Variants in ZSCAN9 observed in about 807,000 individuals in gnomAD.
The protein encoded by ZSCAN9 is zinc finger and SCAN domain containing 9.
In ZSCAN9, 19 loss-of-function variants were observed where a neutral mutation model predicts 23.0. The ratio of observed to expected loss-of-function variants is 0.83; its 90% confidence interval spans 0.58 to 1.21. ZSCAN9 has a LOEUF of 1.21. Among genes scored for constraint, ZSCAN9 ranks in the 50% most tolerant of loss-of-function variants. ZSCAN9 has a pLI of 0.00. For missense variants in ZSCAN9, 467 were observed against 471.5 expected (o/e 0.99, Z 0.09); for synonymous variants, 155 against 164.8 (o/e 0.94, Z 0.46).
At chr6:28,226,645 G>C (rs1240756613) in intron 1 of ZSCAN9, among the ~76,000 whole-genome samples, 1 of 152,126 alleles carries the variant, frequency 6.6e-6, no homozygotes, top group Non-Finnish European at 1.5e-5. Flanking sequence ...TAAAACCTAG[G>C]TCTGGGTCAG....
chr6:28,230,093 G>A (rs564737771), intron 3 of ZSCAN9, among the ~76,000 whole-genome samples: 4 of 152,214 alleles, frequency 2.6e-5, no homozygotes, highest in South Asian at 2.1e-4. Context: ...TCCTGACCTC[G>A]TGATTCGCCC....
At chr6:28,228,314 AT>A in intron 3 of ZSCAN9, 1 of 450,358 alleles carries the variant, frequency 2.2e-6, no homozygotes, top group East Asian at 4.3e-5. Flanking sequence ...ATTTTCTCAC[AT>A]TTTCAAAGGC....
At chr6:28,232,052 CTGGGTGCAG>C (rs1310042068) in intron 3 of ZSCAN9, among the ~76,000 whole-genome samples, 17 of 152,196 alleles carry the variant, frequency 1.1e-4, no homozygotes, top group African/African-American at 4.1e-4. Context: ...GTACTGCCAG[CTGGGTGCAG>C]TGGCTCACAC....
At position 28,233,459 on chromosome 6, in the gene ZSCAN9, T is replaced by G. The variant is rs1409098323; in HGVS notation, c.*281T>G. On this transcript the variant is annotated 3_prime_UTR_variant, in exon 4 of 4. Coordinates refer to ENST00000252207, the MANE Select transcript of ZSCAN9 (RefSeq NM_006299.5). The stretch of plus-strand genomic sequence containing the variant: ...TAAACCCTTCTAATAATATAATAAA[T>G]GGCACTGCCACAGCCAACATGCCTG... The G allele has an allele frequency of 9.1e-6, 3 of 328,568 alleles. No individual in the cohort carries two copies. Among genetic ancestry groups the G allele is most frequent in the Non-Finnish European group, 1.6e-5 (3 of 186,278 alleles). 20.4% of individuals were successfully genotyped at this position (328,568 alleles called of 1,614,324 possible).
At chr6:28,230,396 C>G in intron 3 of ZSCAN9, 2 of 1,536,068 alleles carry the variant, frequency 1.3e-6, no homozygotes, top group Non-Finnish European at 1.7e-6. Context: ...CATCTGTTCT[C>G]TACAGACACA....
Position 28,227,274 on chromosome 6 carries a change from C to T in ZSCAN9, c.190C>T (p.Pro64Ser). Residue 64 changes from proline to serine, a missense_variant, in exon 2 of 4, where the codon CCT (proline) becomes TCT (serine). Coordinates refer to ENST00000252207, the MANE Select transcript of ZSCAN9 (RefSeq NM_006299.5). ...TCGACAGCTGTGCTACCAAGAGACC[C>T]CTGGACCAAGGGAGGCTCTTACTCG... ...HFRQLCYQETPGPREALTRLQ... is the reference protein window; with the variant it reads ...HFRQLCYQETSGPREALTRLQ... 6.2e-7 allele frequency: 1 copy of T among 1,614,186 alleles called. No individual in the cohort carries two copies. The highest frequency in any genetic ancestry group is 8.5e-7 in the Non-Finnish European group (1 of 1,180,026).
intron 1 of ZSCAN9, among the ~76,000 whole-genome samples, chr6:28,226,366 T>C (rs1219244473): frequency 6.6e-6 from 1 of 152,174 alleles, no homozygotes; most frequent in African/African-American, 2.4e-5. Context: ...CTGAAGTAAA[T>C]AGTAAAGTAA....
intron 2 of ZSCAN9, 40 bp downstream of exon 2, chr6:28,227,544 G>A (rs776853838): frequency 1.5e-5 from 24 of 1,565,948 alleles, no homozygotes; most frequent in South Asian, 3.6e-5. Context: ...GTGTATTTTG[G>A]CATGCCAAGA....
In ZSCAN9 at chr6:28,227,551, A is replaced by G. The variant is rs763665291; in HGVS notation, c.420+47A>G. 3.1e-5 allele frequency: 49 copies of G among 1,565,732 alleles called. No homozygotes were observed. The Admixed American group carries it at 8.6e-4, about 27-fold the overall frequency. On this transcript the variant is annotated intron_variant, in intron 2 of 3. Transcript: ENST00000252207. ...AGAAAAATGTGTATTTTGGCATGCC[A>G]AGAATCCTTGTCACTTCTGCTTTGT... is the stretch of plus-strand genomic sequence containing the variant.
At chr6:28,230,386 CATCTG>C (rs1405422451) in intron 3 of ZSCAN9, 1 of 1,536,026 alleles carries the variant, frequency 6.5e-7, no homozygotes, top group East Asian at 2.4e-5. Flanking sequence ...ACTTGGGGCC[CATCTG>C]TTCTCTACAG....
At chr6:28,229,510 T>C (rs558116666) in intron 3 of ZSCAN9, among the ~76,000 whole-genome samples, 1 of 152,306 alleles carries the variant, frequency 6.6e-6, no homozygotes, top group East Asian at 1.9e-4. Context: ...AGAGGGCATC[T>C]GGAGACTGGA....
At chr6:28,226,523 G>T (rs1222726160) in intron 1 of ZSCAN9, among the ~76,000 whole-genome samples, 1 of 152,166 alleles carries the variant, frequency 6.6e-6, no homozygotes, top group Admixed American at 6.6e-5. Flanking sequence ...TTTCCTCCAT[G>T]AACTCTGTGA....
intron 3 of ZSCAN9, among the ~76,000 whole-genome samples, chr6:28,229,715 A>G (rs12201260): frequency 0.038 from 5,814 of 152,278 alleles, 291 homozygotes; most frequent in Non-Finnish European, 0.043. Context: ...AAATCCAAAT[A>G]ATACAAAAGT....
intron 3 of ZSCAN9, chr6:28,230,363 C>T (rs1159931039): frequency 6.5e-7 from 1 of 1,535,920 alleles, no homozygotes; most frequent in Admixed American, 2.0e-5. Context: ...AGGAGAAGGG[C>T]AGTACTGATC....
chr6:28,228,368 G>A, intron 3 of ZSCAN9: 1 of 336,818 alleles, frequency 3.0e-6, no homozygotes, highest in East Asian at 7.8e-5. Context: ...GGTTTCTGGT[G>A]AGGCCTCTTC....
chr6:28,225,906 G>C (rs1760102416), intron 1 of ZSCAN9, among the ~76,000 whole-genome samples: 1 of 152,234 alleles, frequency 6.6e-6, no homozygotes, highest in Non-Finnish European at 1.5e-5. Flanking sequence ...AGATTCCCCA[G>C]ATGTCTGCCA....
At position 28,227,169 on chromosome 6, in the gene ZSCAN9, G is replaced by A. The variant is rs775704413; in HGVS notation, c.85G>A (p.Ala29Thr). The A allele has an allele frequency of 6.2e-7, 1 of 1,614,174 alleles. No homozygotes were observed. Among genetic ancestry groups the A allele is most frequent in the South Asian group, 1.1e-5 (1 of 91,086 alleles). Residue 29 changes from alanine (A) to threonine (T), a missense_variant, in exon 2 of 4, where the codon GCA becomes ACA. Coordinates refer to ENST00000252207, the MANE Select transcript of ZSCAN9 (RefSeq NM_006299.5). The stretch of plus-strand genomic sequence containing the variant: ...AGAACTTCTGACAATGAAAGTGGAA[G>A]CAAAAAGTCACCTTCAATGGCAGGA... The part of the protein sequence containing the change: ...WEELLTMKVE[A>T]KSHLQWQESR...
chr6:28,232,976 A>C lies in ZSCAN9; in HGVS notation c.983A>C (p.His328Pro), dbSNP rs766044323. The change falls in exon 4 of 4, where the codon CAT becomes CCT. Residue 328 changes from histidine (H) to proline (P), a missense_variant. By Grantham distance (77) the His-to-Pro change is moderately conservative. Coordinates refer to ENST00000252207, the MANE Select transcript of ZSCAN9 (RefSeq NM_006299.5). ...AGTCAGAGTGCGGGTCTTATCCAGC[A>C]TCAGAGAATCCACAAAGGAGAAAAG... is the stretch of plus-strand genomic sequence containing the variant. ...VFSQSAGLIQHQRIHKGEKPY... is the reference protein window; with the variant it reads ...VFSQSAGLIQPQRIHKGEKPY... 1.2e-6 allele frequency: 2 copies of C among 1,614,126 alleles called. No individual in the cohort carries two copies. The highest frequency in any genetic ancestry group is 8.5e-7 in the Non-Finnish European group (1 of 1,180,052).
intron 3 of ZSCAN9, chr6:28,228,275 C>T: frequency 1.9e-6 from 1 of 522,164 alleles, no homozygotes; most frequent in Non-Finnish European, 3.3e-6. Context: ...AAGAGAATAC[C>T]ACAGACTGGT....
Sources: allele counts gnomAD v4.1 joint callset (sites outside exome capture counted in the v4.1 genomes callset), GRCh38; gene constraint gnomAD v4.1.1; transcripts MANE v1.5; gene names NCBI Gene and HGNC (gene_info 2026-07-23, HGNC 2026-07-21).